AHRR: variants seen among roughly 807,000 people sequenced by gnomAD.
AHRR encodes the protein aryl hydrocarbon receptor repressor, also known as ahR repressor.
AHRR carries 28 observed loss-of-function variants against 44.0 expected under a neutral mutation model. The observed-to-expected ratio is 0.64, with a 90% CI of 0.47 to 0.87. The LOEUF is 0.87. Among genes scored for constraint, AHRR ranks in the 40% least tolerant of loss-of-function variants. The pLI, the probability that AHRR is intolerant of heterozygous loss-of-function variation, is 0.00. For missense variants in AHRR, 990 were observed against 953.9 expected (o/e 1.04, Z -0.50); for synonymous variants, 434 against 407.0 (o/e 1.07, Z -0.80).
intron 4 of AHRR, among the ~76,000 whole-genome samples, chr5:412,992 C>T (rs202139034): frequency 6.6e-6 from 1 of 152,090 alleles, no homozygotes; most frequent in East Asian, 1.9e-4. Context: ...CAAAGGATAT[C>T]CCAGACAGTG....
At chr5:410,714 C>T (rs1735437382) in intron 4 of AHRR, among the ~76,000 whole-genome samples, 1 of 152,100 alleles carries the variant, frequency 6.6e-6, no homozygotes, top group Non-Finnish European at 1.5e-5. Flanking sequence ...TTTCAATATA[C>T]CAGTCGTGCA....
At chr5:390,595 G>A (rs1734372397) in intron 4 of AHRR, among the ~76,000 whole-genome samples, 1 of 152,184 alleles carries the variant, frequency 6.6e-6, no homozygotes, top group African/African-American at 2.4e-5. Context: ...TCAGGAAAAT[G>A]AGCAGAGCCT....
chr5:420,120 G>A (rs1736002793), intron 5 of AHRR, among the ~76,000 whole-genome samples: 2 of 152,212 alleles, frequency 1.3e-5, no homozygotes, highest in Admixed American at 6.5e-5. Context: ...GCCATAGAGC[G>A]GCAGAACCGT....
In AHRR at chr5:321,987, TG is replaced by T. The variant is rs1741511819; in HGVS notation, c.-11+172del. 6.6e-6 allele frequency among the ~76,000 whole-genome samples: 1 copy of T among 151,986 alleles called. No homozygotes were observed. Among genetic ancestry groups the T allele is most frequent in the South Asian group, 2.1e-4 (1 of 4,830 alleles). ...CGGCCCCGGGACGGGGCGGACACTC[TG>T]GGGTGCGGCTGGCTGGTCTCACTTA... On this transcript the variant is annotated intron_variant, in intron 1 of 10. Transcript: ENST00000684583. The surrounding 1 kb of genome is among the most constrained non-coding windows in gnomAD (Gnocchi z 8.3).
At chr5:359,523 G>C (rs545832556) in intron 3 of AHRR, among the ~76,000 whole-genome samples, 5 of 152,264 alleles carry the variant, frequency 3.3e-5, no homozygotes, top group South Asian at 4.1e-4. Context: ...GTGTGGAGTA[G>C]ATTAGTACCA....
intron 1 of AHRR, among the ~76,000 whole-genome samples, chr5:329,139 C>T (rs944296699): frequency 3.3e-5 from 5 of 152,140 alleles, no homozygotes; most frequent in Admixed American, 6.5e-5. Flanking sequence ...ACACCTCTGT[C>T]TTTTTTGGTC....
intron 4 of AHRR, among the ~76,000 whole-genome samples, chr5:385,239 A>G (rs1734123417): frequency 6.6e-6 from 1 of 151,844 alleles, no homozygotes; most frequent in South Asian, 2.1e-4. Context: ...CAGTGGCATG[A>G]TCATACCTTA....
chr5:340,288 T>C (rs1240246393), intron 1 of AHRR, among the ~76,000 whole-genome samples: 2 of 152,118 alleles, frequency 1.3e-5, no homozygotes, highest in Admixed American at 1.3e-4. Context: ...ATTTTTGGGA[T>C]AGTATTTGTC....
intron 3 of AHRR, among the ~76,000 whole-genome samples, chr5:376,103 G>T (rs1375062988): frequency 6.6e-6 from 1 of 152,328 alleles, no homozygotes. Context: ...GAGAGGCGAT[G>T]CGGGTGTGCA....
intron 1 of AHRR, among the ~76,000 whole-genome samples, chr5:336,607 C>A (rs773939752): frequency 6.6e-6 from 1 of 152,162 alleles, no homozygotes; most frequent in Non-Finnish European, 1.5e-5. Context: ...TCTTCACTTT[C>A]TTGGTAGTGT....
chr5:329,223 G>T (rs979148291), intron 1 of AHRR, among the ~76,000 whole-genome samples: 1 of 151,682 alleles, frequency 6.6e-6, no homozygotes, highest in African/African-American at 2.4e-5. Flanking sequence ...TTTGCTTCGA[G>T]ATGGGATCTT....
chr5:363,941 G>A (rs911862801), intron 3 of AHRR, among the ~76,000 whole-genome samples: 2 of 152,212 alleles, frequency 1.3e-5, no homozygotes, highest in African/African-American at 4.8e-5. Context: ...CTAAAATTCA[G>A]ACTGGAAAAG....
At chr5:324,958 T>C (rs916582255) in intron 1 of AHRR, among the ~76,000 whole-genome samples, 2 of 152,154 alleles carry the variant, frequency 1.3e-5, no homozygotes, top group African/African-American at 4.8e-5. Flanking sequence ...GAACCCTTGA[T>C]TTTAGAACCG....
intron 3 of AHRR, among the ~76,000 whole-genome samples, chr5:374,906 G>A (rs994680119): frequency 3.9e-5 from 6 of 152,246 alleles, no homozygotes; most frequent in South Asian, 2.1e-4. Flanking sequence ...TTAACCCAGC[G>A]TCCGGACCCC....
At chr5:390,144 C>G in intron 4 of AHRR, among the ~76,000 whole-genome samples, 1 of 152,196 alleles carries the variant, frequency 6.6e-6, no homozygotes, top group Middle Eastern at 3.4e-3. Flanking sequence ...TGGCACAACG[C>G]GGGGACTGCA....
chr5:400,403 G>A (rs150190353), intron 4 of AHRR, among the ~76,000 whole-genome samples: 5 of 152,156 alleles, frequency 3.3e-5, no homozygotes, highest in South Asian at 4.1e-4. Context: ...CCCGACCTCC[G>A]TTGTCCTTGC....
intron 2 of AHRR, among the ~76,000 whole-genome samples, chr5:347,316 G>T (rs892455785): frequency 6.6e-5 from 10 of 152,096 alleles, no homozygotes; most frequent in Admixed American, 5.2e-4. Context: ...CCCCAGTTTT[G>T]ATTTTACATA....
At position 326,260 on chromosome 5, in the gene AHRR, C is replaced by G. The variant is rs867455646; in HGVS notation, c.-11+4441C>G. On this transcript the variant is annotated intron_variant, in intron 1 of 10. Coordinates refer to ENST00000684583, the MANE Select transcript of AHRR (RefSeq NM_001377236.1). The surrounding 1 kb of genome is among the most constrained non-coding windows in gnomAD (Gnocchi z 4.1). ...ACCCACCAGGCAGTCACTCCCCAGT[C>G]CCTGCTCCCAGGTCCTGGCCACCAC... is the stretch of plus-strand genomic sequence containing the variant. 6.6e-6 allele frequency among the ~76,000 whole-genome samples: 1 copy of G among 152,370 alleles called. No individual in the cohort carries two copies. Among genetic ancestry groups the G allele is most frequent in the Middle Eastern group, 3.4e-3 (1 of 294 alleles).
intron 4 of AHRR, among the ~76,000 whole-genome samples, chr5:400,965 G>T (rs1333348310): frequency 2.0e-5 from 3 of 152,232 alleles, no homozygotes; most frequent in Non-Finnish European, 4.4e-5. Flanking sequence ...GTGCCAGGAA[G>T]GGCTGGGGGC....
Sources: allele counts gnomAD v4.1 joint callset (sites outside exome capture counted in the v4.1 genomes callset), GRCh38; gene constraint gnomAD v4.1.1; non-coding constraint Gnocchi (gnomAD v3.1); transcripts MANE v1.5; gene names NCBI Gene and HGNC (gene_info 2026-07-23, HGNC 2026-07-21).